SETD2: variants seen among roughly 807,000 people sequenced by gnomAD.
The protein encoded by SETD2 is histone-lysine N-methyltransferase SETD2.
SETD2 carries 31 observed loss-of-function variants against 242.1 expected under a neutral mutation model. The ratio of observed to expected loss-of-function variants is 0.13; its 90% CI spans 0.10 to 0.17. The LOEUF is 0.17. Among genes scored for constraint, SETD2 ranks in the 10% least tolerant of loss-of-function variants. The pLI, the probability that SETD2 is intolerant of heterozygous loss-of-function variation, is 1.00. For synonymous variants in SETD2, 1,006 were observed against 1,066.5 expected, an observed-to-expected ratio of 0.94 and a Z score of 1.11; for missense variants, 2,481 against 3,046.3, an observed-to-expected ratio of 0.81 and a Z score of 4.37.
At chr3:47,043,610 T>C (rs2039381581) in intron 16 of SETD2, among the ~76,000 whole-genome samples, 1 of 152,202 alleles carries the variant, frequency 6.6e-6, no homozygotes. Context: ...GAAGAATACA[T>C]TTTTTACCTT....
chr3:47,076,651 G>A (rs1039013252), intron 12 of SETD2, among the ~76,000 whole-genome samples: 3 of 152,134 alleles, frequency 2.0e-5, no homozygotes, highest in African/African-American at 4.8e-5. Flanking sequence ...TTTAGTAATC[G>A]GTTAAGATAA....
intron 1 of SETD2, among the ~76,000 whole-genome samples, chr3:47,140,072 G>C (rs1329975335): frequency 6.6e-6 from 1 of 152,036 alleles, no homozygotes. Context: ...TACTACACAA[G>C]TGAGTAAAGC....
chr3:47,030,374 A>G (rs2038708649), intron 18 of SETD2, among the ~76,000 whole-genome samples: 1 of 152,100 alleles, frequency 6.6e-6, no homozygotes, highest in South Asian at 2.1e-4. Context: ...GCCAACAGAA[A>G]CCACGCAAAC....
intron 1 of SETD2, among the ~76,000 whole-genome samples, chr3:47,142,328 T>C (rs1048840147): frequency 5.9e-5 from 9 of 151,960 alleles, no homozygotes; most frequent in African/African-American, 1.9e-4. Context: ...AGCAACATAG[T>C]GAGACCTCGC....
At chr3:47,061,074 C>G (rs1336624916) in intron 14 of SETD2, among the ~76,000 whole-genome samples, 3 of 151,952 alleles carry the variant, frequency 2.0e-5, no homozygotes, top group African/African-American at 4.8e-5. Flanking sequence ...ACAAATTAGC[C>G]GGGCATGGTG....
At chr3:47,024,440 C>G (rs1410640551) in intron 18 of SETD2, among the ~76,000 whole-genome samples, 1 of 152,194 alleles carries the variant, frequency 6.6e-6, no homozygotes. Flanking sequence ...CCATTGCACT[C>G]CAGCCTGGGC....
chr3:47,132,755 T>C (rs1038158585), intron 1 of SETD2, among the ~76,000 whole-genome samples: 4 of 152,170 alleles, frequency 2.6e-5, no homozygotes, highest in African/African-American at 9.7e-5. Flanking sequence ...GATTTCTTAC[T>C]AAAACTAAAA....
chr3:47,121,316 T>A lies in SETD2; in HGVS notation c.3320A>T (p.Glu1107Val), dbSNP rs756750206. Residue 1107 changes from glutamate to valine, a missense_variant, in exon 3 of 21, where the codon GAG becomes GTG. Glu to Val is a moderately radical substitution (Grantham distance 121). This residue lies in a region of SETD2 where 1,300 missense variants were observed against 1,259.2 expected (regional missense o/e 1.03). Coordinates refer to ENST00000409792, the MANE Select transcript of SETD2 (RefSeq NM_014159.7). ...TTCCTCATACAAATGTCTCCTTGAC[T>A]CCAATCTCTCATCTTCCCAATGGTC... The part of the protein sequence containing the change: ...YSDHWEDERL[E>V]SRRHLYEEKF... 4.3e-6 allele frequency: 7 copies of A among 1,611,934 alleles called. No individual in the cohort carries two copies. The highest frequency in any genetic ancestry group is 5.1e-6 in the Non-Finnish European group (6 of 1,180,010).
intron 1 of SETD2, among the ~76,000 whole-genome samples, chr3:47,130,281 T>C (rs991028817): frequency 2.0e-5 from 3 of 151,782 alleles, no homozygotes; most frequent in African/African-American, 7.3e-5. Flanking sequence ...CTCAATAGGG[T>C]AGGGACAAGA....
intron 7 of SETD2, 43 bp from the exon 8 acceptor site, chr3:47,101,598 G>A (rs765462220): frequency 3.7e-4 from 62 of 165,676 alleles, no homozygotes; most frequent in Middle Eastern, 2.5e-3. Context: ...TAACTTATTA[G>A]TGTGTGTGTG....
At chr3:47,095,784 C>T (rs948561560) in intron 9 of SETD2, among the ~76,000 whole-genome samples, 1 of 149,952 alleles carries the variant, frequency 6.7e-6, no homozygotes, top group African/African-American at 2.5e-5. Context: ...TTTCAAATGA[C>T]CATCATGCAG....
chr3:47,041,904 A>G (rs1419776095), intron 17 of SETD2, among the ~76,000 whole-genome samples: 1 of 152,248 alleles, frequency 6.6e-6, no homozygotes, highest in Admixed American at 6.5e-5. Context: ...AGCAGAGTTG[A>G]GTAGCTATGA....
chr3:47,134,747 T>C (rs1329418834), intron 1 of SETD2, among the ~76,000 whole-genome samples: 3 of 151,882 alleles, frequency 2.0e-5, no homozygotes, highest in African/African-American at 7.3e-5. Context: ...CCTCAGCCAC[T>C]GGAGTAGCTG....
chr3:47,064,756 T>TTA (rs1420994383), intron 13 of SETD2: 1 of 163,164 alleles, frequency 6.1e-6, no homozygotes, highest in Non-Finnish European at 1.4e-5. Context: ...CTTATATATA[T>TTA]TATATATATG....
In SETD2 at chr3:47,123,747, T is replaced by C. The variant is rs761758668; in HGVS notation, c.889A>G (p.Lys297Glu). Reference sequence around the variant, plus strand: ...GTTTTTTTACAGCTCAGACTAATCTTAGAACTATCTGGAATTTCTTCATCC... The same window carrying C: ...GTTTTTTTACAGCTCAGACTAATCTCAGAACTATCTGGAATTTCTTCATCC... ...GKDEEIPDSS[K>E]ISLSCKKTGS... The change falls in exon 3 of 21, where the codon AAG becomes GAG. Residue 297 changes from lysine (K) to glutamate (E), a missense_variant. This residue lies in a region of SETD2 where 334 missense variants were observed against 374.5 expected (regional missense o/e 0.89). Coordinates refer to ENST00000409792, the MANE Select transcript of SETD2 (RefSeq NM_014159.7). 5.8e-6 allele frequency: 9 copies of C among 1,550,128 alleles called. No individual in the cohort carries two copies. Among genetic ancestry groups the C allele is most frequent in the Non-Finnish European group, 7.9e-6 (9 of 1,146,496 alleles).
At chr3:47,094,792 A>G (rs2041942327) in intron 9 of SETD2, among the ~76,000 whole-genome samples, 1 of 152,222 alleles carries the variant, frequency 6.6e-6, no homozygotes, top group Non-Finnish European at 1.5e-5. Flanking sequence ...TTGTTCCGGA[A>G]TAACTTCAAA....
intron 13 of SETD2, chr3:47,064,595 G>A (rs1448491130): frequency 1.1e-5 from 4 of 369,962 alleles, no homozygotes; most frequent in Non-Finnish European, 2.3e-5. Context: ...GAATATGTGA[G>A]GCAGACAAGT....
At chr3:47,109,971 G>A in intron 5 of SETD2, among the ~76,000 whole-genome samples, 2 of 141,838 alleles carry the variant, frequency 1.4e-5, no homozygotes, top group Admixed American at 7.2e-5. Context: ...GAGTGACAGA[G>A]CAAGACTCCA....
chr3:47,034,332 T>C (rs1331590404), intron 18 of SETD2, among the ~76,000 whole-genome samples: 5 of 152,306 alleles, frequency 3.3e-5, no homozygotes, highest in Admixed American at 3.3e-4. Flanking sequence ...TAATCTCCCG[T>C]TCCCTTTCGT....
Sources: gnomAD v4.1 joint callset for allele counts (sites outside exome capture counted in the v4.1 genomes callset) on GRCh38, gnomAD v4.1.1 for gene constraint, gnomAD v4.1.1 regional missense constraint, MANE v1.5 for transcripts, NCBI Gene and HGNC (gene_info 2026-07-23, HGNC 2026-07-21) for gene names.